Variants in LAMA1 observed in about 807,000 individuals in gnomAD.
LAMA1 encodes the protein laminin subunit alpha-1.
In LAMA1, 219 loss-of-function variants were observed where a neutral mutation model predicts 348.7. The ratio of observed to expected loss-of-function variants is 0.63; its 90% confidence interval spans 0.56 to 0.70. The LOEUF (loss-of-function observed/expected upper bound fraction) is 0.70, where lower values mean the gene tolerates loss of function less well. Among genes scored for constraint, LAMA1 ranks in the 30% least tolerant of loss-of-function variants. The pLI, the probability that LAMA1 is intolerant of heterozygous loss-of-function variation, is 0.00. For missense variants in LAMA1, 3,744 were observed against 3,888.0 expected, an observed-to-expected ratio of 0.96 and a Z score of 0.99; for synonymous variants, 1,487 against 1,491.0, an observed-to-expected ratio of 1.00 and a Z score of 0.06.
intron 1 of LAMA1, among the ~76,000 whole-genome samples, chr18:7,094,618 T>C (rs920965819): frequency 2.0e-5 from 3 of 152,030 alleles, no homozygotes; most frequent in Admixed American, 6.6e-5. Context: ...TTCATCCAAG[T>C]CTTGGAGACC....
intron 1 of LAMA1, among the ~76,000 whole-genome samples, chr18:7,102,479 G>A (rs1053245554): frequency 2.6e-5 from 4 of 151,880 alleles, no homozygotes; most frequent in Non-Finnish European, 4.4e-5. Flanking sequence ...ATGCCAACAA[G>A]TCTGCAGTCA....
chr18:7,008,548 C>G lies in LAMA1; in HGVS notation c.4062G>C (p.Glu1354Asp), dbSNP rs1029870780. The change falls in exon 28 of 63, where the codon GAG becomes GAC. Residue 1354 changes from glutamate to aspartate, a missense_variant. Physicochemically the swap from Glu to Asp is conservative, Grantham distance 45 (BLOSUM62 2). Coordinates refer to ENST00000389658, the MANE Select transcript of LAMA1 (RefSeq NM_005559.4). ...RKAEKLHPEEEVASLLENCVC... is the reference protein window; with the variant it reads ...RKAEKLHPEEDVASLLENCVC... Reference sequence around the variant, plus strand: ...CACAATTCTCTAAAAGAGATGCAACCTCTTCTTCTGGGTGCAGCTTTTCAG... The same window carrying G: ...CACAATTCTCTAAAAGAGATGCAACGTCTTCTTCTGGGTGCAGCTTTTCAG... 3.7e-6 allele frequency: 6 copies of G among 1,614,070 alleles called. No individual in the cohort carries two copies. Among genetic ancestry groups the G allele is most frequent in the Non-Finnish European group, 4.2e-6 (5 of 1,179,974 alleles).
chr18:7,014,157 A>G, intron 22 of LAMA1, 106 bp from the exon 23 acceptor site: 1 of 877,952 alleles, frequency 1.1e-6, no homozygotes, highest in Non-Finnish European at 1.9e-6. Context: ...AGTTCTACAA[A>G]TGAACCATCT....
intron 1 of LAMA1, among the ~76,000 whole-genome samples, chr18:7,091,915 C>T (rs73938575): frequency 0.051 from 7,783 of 152,160 alleles, 599 homozygotes; most frequent in African/African-American, 0.17. Flanking sequence ...AACACCAGCA[C>T]GAAGACCCCA....
At chr18:7,114,847 GA>G (rs1276498604) in intron 1 of LAMA1, among the ~76,000 whole-genome samples, 1 of 152,174 alleles carries the variant, frequency 6.6e-6, no homozygotes, top group African/African-American at 2.4e-5. Flanking sequence ...AATGGTCCCA[GA>G]AGCATTTTAT....
intron 30 of LAMA1, among the ~76,000 whole-genome samples, chr18:7,001,336 T>G (rs1055552850): frequency 6.6e-6 from 1 of 152,012 alleles, no homozygotes. Context: ...TCCTCATGAG[T>G]AAAAAGCAAT....
intron 50 of LAMA1, 132 bp downstream of exon 50, chr18:6,965,156 C>A (rs761367279): frequency 5.8e-6 from 7 of 1,198,990 alleles, no homozygotes; most frequent in Non-Finnish European, 8.6e-6. Flanking sequence ...ATTCCAAAGA[C>A]AACACTGGCT....
chr18:7,074,209 C>T (rs2058157593), intron 3 of LAMA1, among the ~76,000 whole-genome samples: 1 of 152,134 alleles, frequency 6.6e-6, no homozygotes, highest in African/African-American at 2.4e-5. Context: ...CCATTTTCTT[C>T]ACATCCTCAC....
At chr18:7,083,357 T>C (rs2058201181) in intron 1 of LAMA1, among the ~76,000 whole-genome samples, 2 of 151,922 alleles carry the variant, frequency 1.3e-5, no homozygotes, top group South Asian at 4.2e-4. Flanking sequence ...AGCTAATTTT[T>C]GTATTTTTAA....
rs1469827111 is a variant in LAMA1 at position 6,985,248 on chromosome 18, A to G, written c.5649T>C (p.Asp1883=). 6 of 1,614,020 alleles carry G rather than the reference A, an allele frequency of 3.7e-6. No individual in the cohort carries two copies. The highest frequency in any genetic ancestry group is 5.1e-6 in the Non-Finnish European group (6 of 1,180,002). The change falls in exon 39 of 63, where the codon GAT becomes GAC. Residue 1883 remains aspartate, a synonymous_variant. Coordinates refer to ENST00000389658, the MANE Select transcript of LAMA1 (RefSeq NM_005559.4). ...DHAAEFQRLA[D]VLYSGLENIR... ...AGGCGTGTTCCTACCTGTACAGAAC[A>G]TCTGCTAGTCTCTGGAACTCAGCGG...
At position 7,057,956 on chromosome 18, in the gene LAMA1, G is replaced by A. The variant is rs369053743; in HGVS notation, c.346-7020C>T. Among the ~76,000 whole-genome samples, 21 of 150,974 alleles carry A rather than the reference G, an allele frequency of 1.4e-4. 1 individual carries two copies. Among genetic ancestry groups the A allele is most frequent in the East Asian group, 9.9e-4 (5 of 5,042 alleles). ...ATTATAGGCACTTGCCACCACGTCC[G>A]GCCAATTTTTTTTAATTTTTTTTTT... On this transcript the variant is annotated intron_variant, in intron 3 of 62. Transcript: ENST00000389658.
intron 55 of LAMA1, among the ~76,000 whole-genome samples, chr18:6,958,259 G>A (rs905347845): frequency 7.9e-5 from 12 of 152,036 alleles, no homozygotes; most frequent in South Asian, 4.2e-4. Flanking sequence ...AATGTTCAGC[G>A]ATGGTTTTTA....
chr18:7,034,364 C>T (rs1035511622), intron 14 of LAMA1, 115 bp downstream of exon 14: 5 of 785,948 alleles, frequency 6.4e-6, no homozygotes, highest in African/African-American at 5.2e-5. Flanking sequence ...GATCCTGTAG[C>T]TGTGTCCTTA....
At chr18:7,006,006 G>C (rs1024621783) in intron 29 of LAMA1, among the ~76,000 whole-genome samples, 3 of 152,118 alleles carry the variant, frequency 2.0e-5, no homozygotes, top group African/African-American at 7.2e-5. Context: ...CCGAGGCTTC[G>C]GGTGTGTCCT....
intron 61 of LAMA1, among the ~76,000 whole-genome samples, chr18:6,945,721 T>C (rs2057518576): frequency 6.6e-6 from 1 of 152,080 alleles, no homozygotes; most frequent in African/African-American, 2.4e-5. Flanking sequence ...GAGGTGGCAC[T>C]ACTCATGACA....
chr18:7,116,190 G>A (rs1485186673), intron 1 of LAMA1, among the ~76,000 whole-genome samples: 2 of 152,146 alleles, frequency 1.3e-5, no homozygotes, highest in Non-Finnish European at 2.9e-5. Flanking sequence ...AGCCCCGAGG[G>A]GCCAGGACAA....
chr18:6,952,691 T>C (rs928034246), intron 57 of LAMA1, among the ~76,000 whole-genome samples: 6 of 152,260 alleles, frequency 3.9e-5, no homozygotes, highest in African/African-American at 1.4e-4. Flanking sequence ...CGTGATGAGA[T>C]CTCATGCCAT....
chr18:6,985,980 G>T (rs972217973), intron 37 of LAMA1, among the ~76,000 whole-genome samples, 157 bp downstream of exon 37: 1 of 152,088 alleles, frequency 6.6e-6, no homozygotes, highest in Non-Finnish European at 1.5e-5. Context: ...GGATGGTCTC[G>T]ATCTCTTGAC....
In LAMA1 at chr18:7,087,913, C is replaced by T. The variant is rs536524669; in HGVS notation, c.62-7456G>A. On this transcript the variant is annotated intron_variant, in intron 1 of 62. Coordinates refer to ENST00000389658, the MANE Select transcript of LAMA1 (RefSeq NM_005559.4). ...AGGGTTTCATACAATGTATTAAGAT[C>T]TCAACAAATAGCTGCTCTTATTATG... 3.0e-4 allele frequency among the ~76,000 whole-genome samples: 46 copies of T among 152,274 alleles called. No individual in the cohort carries two copies. The South Asian group carries it at 9.4e-3, about 31-fold the overall frequency.
Sources: gnomAD v4.1 joint callset for allele counts (sites outside exome capture counted in the v4.1 genomes callset) on GRCh38, gnomAD v4.1.1 for gene constraint, MANE v1.5 for transcripts, NCBI Gene and HGNC (gene_info 2026-07-23, HGNC 2026-07-21) for gene names.